The following MTUS1 variants were observed in gnomAD, a reference collection of about 807,000 sequenced individuals.
MTUS1 encodes microtubule associated scaffold protein 1.
A neutral mutation model predicts 120.8 loss-of-function variants in MTUS1; 109 were observed. That is an observed-to-expected ratio of 0.90 (90% CI 0.77 to 1.06). The LOEUF (loss-of-function observed/expected upper bound fraction) is 1.06, where lower values mean the gene tolerates loss of function less well. Among genes scored for constraint, MTUS1 ranks in the 50% least tolerant of loss-of-function variants. The probability of loss-of-function intolerance (pLI) is 0.00; values close to 1 mark genes in which losing one functional copy is unlikely to be tolerated. For synonymous variants in MTUS1, 737 were observed against 550.5 expected, an observed-to-expected ratio of 1.34 and a Z score of -4.74; for missense variants, 2,210 against 1,486.3, an observed-to-expected ratio of 1.49 and a Z score of -8.01.
intron 8 of MTUS1, among the ~76,000 whole-genome samples, chr8:17,670,716 G>C (rs940359757): frequency 6.6e-5 from 10 of 152,134 alleles, no homozygotes; most frequent in African/African-American, 2.4e-4. Flanking sequence ...CCAGCTATTC[G>C]GGAGGCTGAG....
At chr8:17,701,857 C>T (rs17690419) in intron 6 of MTUS1, among the ~76,000 whole-genome samples, 86,856 of 151,608 alleles carry the variant, frequency 0.57, 25,713 homozygotes, top group Middle Eastern at 0.72. Flanking sequence ...CCAGAATTTT[C>T]TTTTCAATTT....
In MTUS1 at chr8:17,645,007, A is replaced by AAAAT. The variant is rs1486868140; in HGVS notation, c.*915_*918dup. On this transcript the variant is annotated 3_prime_UTR_variant, in exon 15 of 15. Coordinates refer to ENST00000693296, the MANE Select transcript of MTUS1 (RefSeq NM_001363059.2). The stretch of plus-strand genomic sequence containing the variant: ...AATCTGCAAGGGTAGATCAAAGGTA[A>AAAAT]AAATAAGGTGGAAAAACCCATTGGT... 2 of 152,548 alleles carry AAAAT rather than the reference A, an allele frequency of 1.3e-5. No homozygotes were observed. The highest frequency in any genetic ancestry group is 4.8e-5 in the African/African-American group (2 of 41,432). The allele number at this position is 152,548 out of a possible 1,614,324, so 9.4% of individuals were successfully genotyped here.
intron 3 of MTUS1, among the ~76,000 whole-genome samples, chr8:17,740,105 G>A (rs1422190795): frequency 6.6e-6 from 1 of 152,088 alleles, no homozygotes; most frequent in Non-Finnish European, 1.5e-5. Flanking sequence ...CTACTCAGGA[G>A]GCTGAGGCAG....
intron 6 of MTUS1, among the ~76,000 whole-genome samples, chr8:17,688,631 T>C (rs1424688997): frequency 1.3e-5 from 2 of 152,168 alleles, no homozygotes. Context: ...GACACAGAAG[T>C]TCTTTCAGTC....
chr8:17,697,307 T>G (rs1284143425), intron 6 of MTUS1: 1 of 1,613,968 alleles, frequency 6.2e-7, no homozygotes, highest in Non-Finnish European at 8.5e-7. Context: ...AAGTCGAAGG[T>G]TTCGAAGCAA....
intron 6 of MTUS1, among the ~76,000 whole-genome samples, chr8:17,685,775 G>C (rs1815660496): frequency 6.6e-6 from 1 of 152,132 alleles, no homozygotes; most frequent in African/African-American, 2.4e-5. Flanking sequence ...ATAATTCTCA[G>C]TTCTAAAATC....
chr8:17,773,421 T>C (rs2050160443), intron 1 of MTUS1, among the ~76,000 whole-genome samples: 1 of 152,094 alleles, frequency 6.6e-6, no homozygotes, highest in African/African-American at 2.4e-5. Flanking sequence ...TAAAGGCAAA[T>C]CTAGGGTAAG....
intron 3 of MTUS1, among the ~76,000 whole-genome samples, chr8:17,735,727 G>A (rs1047629106): frequency 6.6e-6 from 1 of 152,200 alleles, no homozygotes; most frequent in African/African-American, 2.4e-5. Flanking sequence ...ACAGTGCTTC[G>A]CACAGGTCTC....
chr8:17,712,393 G>C (rs373429680), intron 6 of MTUS1, among the ~76,000 whole-genome samples: 64 of 152,104 alleles, frequency 4.2e-4, no homozygotes, highest in African/African-American at 1.3e-3. Context: ...CTGGAGTGCA[G>C]TGGTGTAATC....
chr8:17,665,239 C>T (rs1332742764), intron 8 of MTUS1, among the ~76,000 whole-genome samples: 2 of 152,154 alleles, frequency 1.3e-5, no homozygotes, highest in Non-Finnish European at 2.9e-5. Flanking sequence ...TCTGATTACT[C>T]CTGGGCATTA....
chr8:17,731,604 G>T (rs1171831242), intron 3 of MTUS1, among the ~76,000 whole-genome samples: 1 of 151,588 alleles, frequency 6.6e-6, no homozygotes, highest in Non-Finnish European at 1.5e-5. Flanking sequence ...TAAAAACACA[G>T]GAAAAGTTAA....
At chr8:17,740,386 G>C (rs553005087) in intron 3 of MTUS1, among the ~76,000 whole-genome samples, 1 of 152,282 alleles carries the variant, frequency 6.6e-6, no homozygotes, top group Non-Finnish European at 1.5e-5. Flanking sequence ...GAACATTTCT[G>C]CCGCTTACCT....
chr8:17,652,924 C>T (rs1807346407), intron 12 of MTUS1, among the ~76,000 whole-genome samples: 2 of 151,944 alleles, frequency 1.3e-5, no homozygotes, highest in South Asian at 4.2e-4. Flanking sequence ...ACATAAAACT[C>T]TAATCCTAAT....
intron 5 of MTUS1, among the ~76,000 whole-genome samples, 197 bp from the exon 6 acceptor site, chr8:17,713,449 A>C (rs1263993815): frequency 1.3e-5 from 2 of 152,206 alleles, no homozygotes; most frequent in African/African-American, 4.8e-5. Flanking sequence ...CATAACATCA[A>C]AATGTTTAAG....
intron 1 of MTUS1, among the ~76,000 whole-genome samples, chr8:17,775,088 G>A (rs2050315306): frequency 6.6e-6 from 1 of 152,018 alleles, no homozygotes; most frequent in African/African-American, 2.4e-5. Context: ...GGTTACCAGG[G>A]GCTGGGGCAG....
intron 12 of MTUS1, among the ~76,000 whole-genome samples, chr8:17,650,878 C>G (rs955412416): frequency 1.6e-4 from 25 of 152,168 alleles, no homozygotes; most frequent in Non-Finnish European, 2.9e-4. Flanking sequence ...GTCCACTGAT[C>G]AGATATGTTT....
intron 6 of MTUS1, chr8:17,708,776 G>A (rs772545309): frequency 1.3e-5 from 2 of 152,102 alleles, no homozygotes; most frequent in Non-Finnish European, 2.9e-5. Context: ...CAGCATCCTG[G>A]GGATCTTTAG....
intron 7 of MTUS1, among the ~76,000 whole-genome samples, chr8:17,678,774 G>T (rs1286762774): frequency 6.6e-6 from 1 of 150,594 alleles, no homozygotes; most frequent in Non-Finnish European, 1.5e-5. Context: ...AGATGTGGAG[G>T]CATTTTGAAG....
intron 6 of MTUS1, among the ~76,000 whole-genome samples, chr8:17,710,042 T>C (rs539004038): frequency 1.3e-5 from 2 of 152,180 alleles, no homozygotes; most frequent in African/African-American, 2.4e-5. Context: ...AAATATTTCA[T>C]TGCTAAAAAA....
Sources: gnomAD v4.1 joint callset for allele counts (sites outside exome capture counted in the v4.1 genomes callset) on GRCh38, gnomAD v4.1.1 for gene constraint, MANE v1.5 for transcripts, NCBI Gene and HGNC (gene_info 2026-07-23, HGNC 2026-07-21) for gene names.